ATP2C2: variants seen among roughly 807,000 people sequenced by gnomAD.
ATP2C2 encodes the protein ATPase secretory pathway Ca2+ transporting 2.
ATP2C2 carries 171 observed loss-of-function variants against 110.8 expected under a neutral mutation model. The ratio of observed to expected loss-of-function variants is 1.54; its 90% CI spans 1.36 to 1.75. ATP2C2 has a LOEUF of 1.75. Ranked by LOEUF, ATP2C2 falls within the 40% of genes most tolerant of loss-of-function variation. The pLI is 0.00. For synonymous variants in ATP2C2, 804 were observed against 508.4 expected (o/e 1.58, Z -7.82); for missense variants, 1,963 against 1,235.0 (o/e 1.59, Z -8.84).
At chr16:84,405,044 G>A in intron 2 of ATP2C2, 84 bp from the exon 3 acceptor site, 2 of 1,160,848 alleles carry the variant, frequency 1.7e-6, no homozygotes, top group South Asian at 1.2e-5. Flanking sequence ...GGAAGCCGCT[G>A]CCTTTCAGAG....
intron 11 of ATP2C2, among the ~76,000 whole-genome samples, chr16:84,437,294 A>C (rs1408294041): frequency 2.0e-5 from 3 of 152,198 alleles, no homozygotes; most frequent in Admixed American, 2.0e-4. Flanking sequence ...CCCAGGCTCA[A>C]GTGATCCTCC....
intron 1 of ATP2C2, among the ~76,000 whole-genome samples, chr16:84,375,133 C>T (rs1910175998): frequency 6.6e-6 from 1 of 152,204 alleles, no homozygotes; most frequent in Admixed American, 6.5e-5. Flanking sequence ...GGTTTGTTTA[C>T]AGATATTCTG....
Position 84,462,136 on chromosome 16 carries a change from G to A in ATP2C2, c.2722+7G>A, listed in dbSNP as rs1439399382. Reference sequence around the variant, plus strand: ...GAGAACCTGGGAGCGCTTGGTGAGTGGTGGGGACGGGAACGACAGGTGACC... The same window carrying A: ...GAGAACCTGGGAGCGCTTGGTGAGTAGTGGGGACGGGAACGACAGGTGACC... On this transcript the variant is annotated splice_region_variant and intron_variant, in intron 26 of 26. Coordinates refer to ENST00000262429, the MANE Select transcript of ATP2C2 (RefSeq NM_014861.4). 6.2e-7 allele frequency: 1 copy of A among 1,610,926 alleles called. No homozygotes were observed. Among genetic ancestry groups the A allele is most frequent in the East Asian group, 2.2e-5 (1 of 44,834 alleles).
Position 84,446,408 on chromosome 16 carries a change from T to G in ATP2C2, c.1481T>G (p.Val494Gly), listed in dbSNP as rs1597853853. Residue 494 changes from valine (V) to glycine (G), a missense_variant, in exon 16 of 27, where the codon GTG becomes GGG. By Grantham distance (109) the Val-to-Gly change is moderately radical. Coordinates refer to ENST00000262429, the MANE Select transcript of ATP2C2 (RefSeq NM_014861.4). Reference protein sequence around the residue: ...PFSSEQKWMAVKCSLKTEDQE... With the variant: ...PFSSEQKWMAGKCSLKTEDQE... The stretch of plus-strand genomic sequence containing the variant: ...AGTTCAGAGCAGAAGTGGATGGCGG[T>G]GAAATGCAGTCTGAAGACTGAGGTG... The G allele has an allele frequency of 6.2e-7, 1 of 1,605,528 alleles. No individual in the cohort carries two copies. The highest frequency in any genetic ancestry group is 8.5e-7 in the Non-Finnish European group (1 of 1,176,746).
rs559152167 is a variant in ATP2C2 at position 84,418,427 on chromosome 16, G to A, written c.624+2836G>A. Among the ~76,000 whole-genome samples, 4 of 152,224 alleles carry A rather than the reference G, an allele frequency of 2.6e-5. No homozygotes were observed. In the East Asian group the frequency reaches 7.7e-4, roughly 29 times the overall value. ...CACACAACCACCTTCACTCCTTCTT[G>A]GTCCGGAGGTGCCACCTGATCTTCT... is the stretch of plus-strand genomic sequence containing the variant. On this transcript the variant is annotated intron_variant, in intron 7 of 26. Coordinates refer to ENST00000262429, the MANE Select transcript of ATP2C2 (RefSeq NM_014861.4).
chr16:84,438,920 A>T, intron 11 of ATP2C2: 1 of 427,342 alleles, frequency 2.3e-6, no homozygotes. Flanking sequence ...AGACTAATTC[A>T]CATTAAGGTG....
intron 11 of ATP2C2, among the ~76,000 whole-genome samples, chr16:84,427,639 C>T (rs1907915888): frequency 6.6e-6 from 1 of 152,148 alleles, no homozygotes; most frequent in Non-Finnish European, 1.5e-5. Context: ...ATCGCTTGAG[C>T]CCGGGAGGTG....
intron 11 of ATP2C2, among the ~76,000 whole-genome samples, chr16:84,432,564 A>G (rs970619596): frequency 2.6e-5 from 4 of 152,040 alleles, no homozygotes; most frequent in African/African-American, 9.7e-5. Flanking sequence ...TGCTCTGTCC[A>G]GGCTGGAGTG....
intron 18 of ATP2C2, among the ~76,000 whole-genome samples, chr16:84,452,481 C>T (rs1293239122): frequency 6.7e-6 from 1 of 149,686 alleles, no homozygotes; most frequent in South Asian, 2.1e-4. Context: ...GGCTAGCAGC[C>T]CTTCTCCTCT....
chr16:84,422,650 G>A lies in ATP2C2; in HGVS notation c.796G>A (p.Glu266Lys), dbSNP rs267604665. 1.8e-5 allele frequency: 29 copies of A among 1,613,590 alleles called. No homozygotes were observed. The Middle Eastern group carries it at 4.9e-4, about 27-fold the overall frequency. Reference sequence around the variant, plus strand: ...ACAGGGGGTCGTGATTGGAACAGGGGAAAGCTCTCAGTTCGGAGAAGTGTT... The same window carrying A: ...ACAGGGGGTCGTGATTGGAACAGGGAAAAGCTCTCAGTTCGGAGAAGTGTT... ...RGQGVVIGTG[E>K]SSQFGEVFKM... is the part of the protein sequence containing the mutation. The change falls in exon 9 of 27, where the codon GAA becomes AAA. Residue 266 changes from glutamate to lysine, a missense_variant. Physicochemically the swap from Glu to Lys is moderately conservative, Grantham distance 56. Transcript: ENST00000262429.
Position 84,440,792 on chromosome 16 carries a change from T to C in ATP2C2, c.1210-65T>C, listed in dbSNP as rs1909176435. On this transcript the variant is annotated intron_variant, in intron 13 of 26. Coordinates refer to ENST00000262429, the MANE Select transcript of ATP2C2 (RefSeq NM_014861.4). Reference sequence around the variant, plus strand: ...GAATGGATCCCCAGGACAGAGATTGTGGGCCAACTGGGGGAGCATGTTTTT... The same window carrying C: ...GAATGGATCCCCAGGACAGAGATTGCGGGCCAACTGGGGGAGCATGTTTTT... 4 of 1,262,750 alleles carry C rather than the reference T, an allele frequency of 3.2e-6. No homozygotes were observed. In the East Asian group the frequency reaches 9.4e-5, roughly 30 times the overall value. The allele number at this position is 1,262,750 out of a possible 1,614,324, so 78.2% of individuals were successfully genotyped here.
At chr16:84,425,693 G>A (rs773731083) in intron 10 of ATP2C2, 42 bp from the exon 11 acceptor site, 4 of 1,594,014 alleles carry the variant, frequency 2.5e-6, no homozygotes, top group East Asian at 4.5e-5. Context: ...ATCAGCGTGT[G>A]TAGTGCATAT....
intron 25 of ATP2C2, 83 bp from the exon 26 acceptor site, chr16:84,461,905 C>T: frequency 6.2e-7 from 1 of 1,607,254 alleles, no homozygotes; most frequent in Non-Finnish European, 8.5e-7. Context: ...GCGGCTCTGG[C>T]TCAGCGTGGG....
intron 23 of ATP2C2, chr16:84,459,787 T>C (rs1911091787): frequency 1.8e-6 from 1 of 545,436 alleles, no homozygotes; most frequent in Non-Finnish European, 3.3e-6. Flanking sequence ...CTTTTCCTTA[T>C]GGATCTGATT....
chr16:84,425,957 C>T (rs1907778741), intron 11 of ATP2C2, 156 bp downstream of exon 11: 2 of 810,294 alleles, frequency 2.5e-6, no homozygotes, highest in East Asian at 4.9e-5. Context: ...AGCATGTTCT[C>T]CGACAGGTAC....
At chr16:84,401,803 G>C (rs1295216439) in intron 2 of ATP2C2, among the ~76,000 whole-genome samples, 1 of 152,014 alleles carries the variant, frequency 6.6e-6, no homozygotes, top group African/African-American at 2.4e-5. Context: ...AGATAGCTTT[G>C]GCTATTCTGG....
At chr16:84,459,075 T>A in intron 21 of ATP2C2, 45 bp from the exon 22 acceptor site, 1 of 1,607,228 alleles carries the variant, frequency 6.2e-7, no homozygotes, top group Non-Finnish European at 8.5e-7. Flanking sequence ...GGTCCAGCCC[T>A]CACGCAGGCC....
intron 2 of ATP2C2, among the ~76,000 whole-genome samples, chr16:84,403,776 C>T (rs183420733): frequency 1.5e-4 from 23 of 152,146 alleles, no homozygotes; most frequent in East Asian, 1.2e-3. Context: ...CTGCAACCTC[C>T]GCCTCCCAGC....
chr16:84,449,733 A>G (rs972079914), intron 17 of ATP2C2, among the ~76,000 whole-genome samples: 2 of 152,330 alleles, frequency 1.3e-5, no homozygotes, highest in Non-Finnish European at 1.5e-5. Flanking sequence ...TTGGGAGACA[A>G]TCTGGCACGT....
Sources: gnomAD v4.1 joint callset for allele counts (sites outside exome capture counted in the v4.1 genomes callset) on GRCh38, gnomAD v4.1.1 for gene constraint, MANE v1.5 for transcripts, NCBI Gene and HGNC (gene_info 2026-07-23, HGNC 2026-07-21) for gene names.